CDH23: variants seen among roughly 807,000 people sequenced by gnomAD.
CDH23 encodes the protein cadherin-23.
Under a neutral mutation model 317.1 loss-of-function variants are expected in CDH23, and 189 were observed. The observed-to-expected ratio is 0.60, with a 90% confidence interval of 0.53 to 0.67. CDH23 has a LOEUF of 0.67. Ranked by LOEUF, CDH23 falls within the 30% of genes least tolerant of loss-of-function variation. CDH23 has a pLI of 0.00. For synonymous variants in CDH23, 1,839 were observed against 1,876.8 expected (o/e 0.98, Z 0.52); for missense variants, 4,401 against 4,592.4 (o/e 0.96, Z 1.20).
chr10:71,790,742 G>A, intron 46 of CDH23: 1 of 461,088 alleles, frequency 2.2e-6, no homozygotes, highest in Non-Finnish European at 4.0e-6. Flanking sequence ...AGTAGCCAGA[G>A]CGACTTTCCT....
chr10:71,759,056 T>G lies in CDH23; in HGVS notation c.4845+17135T>G, dbSNP rs1237629717. ...GGCAAATTTTGGGTTGTTTTTTTTT[T>G]GAGATGGAGTCTTGCTCTATCAGCA... On this transcript the variant is annotated intron_variant, in intron 38 of 69. Transcript: ENST00000224721. Among the ~76,000 whole-genome samples the G allele has an allele frequency of 1.9e-4, 28 of 151,206 alleles. No homozygotes were observed. In the South Asian group the frequency reaches 2.1e-3, roughly 11 times the overall value.
At chr10:71,506,059 G>T (rs1418071614) in intron 3 of CDH23, among the ~76,000 whole-genome samples, 2 of 152,228 alleles carry the variant, frequency 1.3e-5, no homozygotes, top group East Asian at 1.9e-4. Context: ...CTGTTAAAAA[G>T]GAGTGAAGTA....
intron 28 of CDH23, among the ~76,000 whole-genome samples, chr10:71,718,571 T>C (rs1241802871): frequency 6.6e-6 from 1 of 152,166 alleles, no homozygotes; most frequent in Non-Finnish European, 1.5e-5. Context: ...CACCGCTCAT[T>C]CCCGTGGGGA....
In CDH23 at chr10:71,741,892, G is replaced by A. The variant is rs1301101082; in HGVS notation, c.4816G>A (p.Val1606Met). 26 of 1,607,044 alleles carry A rather than the reference G, an allele frequency of 1.6e-5. No individual in the cohort carries two copies. The highest frequency in any genetic ancestry group is 2.1e-5 in the Non-Finnish European group (25 of 1,177,080). Residue 1606 changes from valine (V) to methionine (M), a missense_variant, in exon 38 of 70, where the codon GTG becomes ATG. Coordinates refer to ENST00000224721, the MANE Select transcript of CDH23 (RefSeq NM_022124.6). ...GAGCTTCTACCACCTGGTGGCCACT[G>A]TGGAGGACGAGGGCACCCCAACCCT... Reference protein sequence around the residue: ...RQSFYHLVATVEDEGTPTLSA... With the variant: ...RQSFYHLVATMEDEGTPTLSA...
Position 71,562,141 on chromosome 10 carries a change from G to A in CDH23, c.430-4601G>A, listed in dbSNP as rs1166243946. Among the ~76,000 whole-genome samples the A allele has an allele frequency of 4.9e-5, 7 of 141,444 alleles. No homozygotes were observed. The East Asian group carries it at 6.4e-4, about 13-fold the overall frequency. The allele number at this position is 141,444 out of a possible 152,430, so 92.8% of individuals were successfully genotyped here. A position where few individuals can be genotyped will look rare whatever the true frequency, so the allele number is the denominator to read the frequency against. On this transcript the variant is annotated intron_variant, in intron 6 of 69. Transcript: ENST00000224721. ...AGACACTCCAAGCCCCACCCCAGACGCCCCGAACCCCACCCCAGACACCAG... is the reference window on the plus strand; with the variant it reads ...AGACACTCCAAGCCCCACCCCAGACACCCCGAACCCCACCCCAGACACCAG...
chr10:71,441,142 G>A (rs980156501), intron 2 of CDH23, among the ~76,000 whole-genome samples: 5 of 152,174 alleles, frequency 3.3e-5, no homozygotes, highest in Admixed American at 1.3e-4. Flanking sequence ...TCATTTTACA[G>A]AGGAGACACC....
chr10:71,782,201 G>A (rs2132934456), intron 41 of CDH23, among the ~76,000 whole-genome samples: 1 of 152,288 alleles, frequency 6.6e-6, no homozygotes, highest in East Asian at 1.9e-4. Flanking sequence ...ACATGCACTT[G>A]AGCCTCTCCC....
At chr10:71,807,430 C>A (rs998211119) in intron 58 of CDH23, 24 bp downstream of exon 58, 6 of 1,613,422 alleles carry the variant, frequency 3.7e-6, no homozygotes, top group Admixed American at 1.7e-5. Context: ...GAGCTAGTGC[C>A]CTGATTACCC....
intron 1 of CDH23, among the ~76,000 whole-genome samples, chr10:71,427,476 C>T (rs1014434282): frequency 3.9e-5 from 6 of 152,118 alleles, no homozygotes; most frequent in African/African-American, 1.4e-4. Context: ...AGGCGTCAGT[C>T]TCCATTCCTT....
intron 6 of CDH23, among the ~76,000 whole-genome samples, chr10:71,543,891 G>A (rs147215320): frequency 2.7e-4 from 41 of 152,278 alleles, no homozygotes; most frequent in African/African-American, 9.1e-4. Flanking sequence ...AAGTGCAGCA[G>A]ACGGATCCTT....
rs756365743 is a variant in CDH23 at position 71,687,732 on chromosome 10, G to T, written c.2059+13G>T. The T allele has an allele frequency of 2.5e-6, 4 of 1,612,826 alleles. No individual in the cohort carries two copies. The highest frequency in any genetic ancestry group is 1.3e-5 in the African/African-American group (1 of 74,910). On this transcript the variant is annotated intron_variant, in intron 19 of 69. Transcript: ENST00000224721. ...AACATCATGGCAGGTACAGGCTCAG[G>T]TCGGGGGGTGGGGGGCACATGGAGG...
chr10:71,762,051 T>A (rs1265976434), intron 38 of CDH23: 2 of 1,567,984 alleles, frequency 1.3e-6, no homozygotes, highest in Non-Finnish European at 1.7e-6. Context: ...GAGAGCCCTG[T>A]CACCTGACTG....
chr10:71,530,540 C>T (rs924403582), intron 6 of CDH23, among the ~76,000 whole-genome samples: 5 of 152,204 alleles, frequency 3.3e-5, no homozygotes, highest in South Asian at 2.1e-4. Flanking sequence ...GGCATGGCAT[C>T]GGGGGGCAGG....
intron 6 of CDH23, among the ~76,000 whole-genome samples, chr10:71,534,444 C>T (rs1403480311): frequency 6.6e-6 from 1 of 152,158 alleles, no homozygotes; most frequent in African/African-American, 2.4e-5. Flanking sequence ...ATCCTTGCTG[C>T]TCCCCTTACT....
chr10:71,799,573 C>T lies in CDH23; in HGVS notation c.7306C>T (p.Leu2436Phe), dbSNP rs753339830. The T allele has an allele frequency of 1.2e-6, 2 of 1,614,052 alleles. No homozygotes were observed. Among genetic ancestry groups the T allele is most frequent in the South Asian group, 1.1e-5 (1 of 91,088 alleles). ...ATDADSGNFA[L>F]IEYSLGDGES... Reference sequence around the variant, plus strand: ...TGATGCTGACTCAGGCAACTTTGCACTCATTGAGTACAGCCTTGGAGATGG... The same window carrying T: ...TGATGCTGACTCAGGCAACTTTGCATTCATTGAGTACAGCCTTGGAGATGG... The change falls in exon 52 of 70, where the codon CTC becomes TTC. Residue 2436 changes from leucine (L) to phenylalanine (F), a missense_variant. Coordinates refer to ENST00000224721, the MANE Select transcript of CDH23 (RefSeq NM_022124.6).
chr10:71,396,933 AGCG>A lies in CDH23; in HGVS notation c.-379_-377del, dbSNP rs1204364299. 3.3e-5 allele frequency: 5 copies of A among 152,378 alleles called. No homozygotes were observed. Among genetic ancestry groups the A allele is most frequent in the Non-Finnish European group, 4.4e-5 (3 of 68,720 alleles). 9.4% of individuals were successfully genotyped at this position (152,378 alleles called of 1,614,324 possible). A position where few individuals can be genotyped will look rare whatever the true frequency, so the allele number is the denominator to read the frequency against. On this transcript the variant is annotated 5_prime_UTR_variant, in exon 1 of 70. Transcript: ENST00000224721. The surrounding 1 kb of genome is among the most constrained non-coding windows in gnomAD (Gnocchi z 4.2). Reference sequence around the variant, plus strand: ...CAAGGGAAAGTTGATCGCGGACTTGAGCGGCGGCGGCGGCTCGGGAGAGAGGGA... The same window carrying A: ...CAAGGGAAAGTTGATCGCGGACTTGAGCGGCGGCGGCTCGGGAGAGAGGGA...
intron 6 of CDH23, among the ~76,000 whole-genome samples, chr10:71,550,565 A>AAG (rs1564647307): frequency 8.9e-6 from 1 of 111,764 alleles, no homozygotes; most frequent in Non-Finnish European, 1.9e-5. Flanking sequence ...GTCTCAAAAA[A>AAG]AAAAAAAAAA....
Position 71,584,542 on chromosome 10 carries a change from C to CTGTGTGTGTGTGTGTGTGTGTGTG in CDH23, c.832+6560_832+6583dup, listed in dbSNP as rs138103081. Among the ~76,000 whole-genome samples, 132 of 145,658 alleles carry CTGTGTGTGTGTGTGTGTGTGTGTG rather than the reference C, an allele frequency of 9.1e-4. 1 individual carries two copies. The highest frequency in any genetic ancestry group is 3.3e-3 in the Middle Eastern group (1 of 302). On this transcript the variant is annotated intron_variant, in intron 9 of 69. Coordinates refer to ENST00000224721, the MANE Select transcript of CDH23 (RefSeq NM_022124.6). Reference sequence around the variant, plus strand: ...TACACTGATTGCTTTGAAGGGAAGTCTGTGTGTGTGTGTGTGTGTGTGTGT... The same window carrying CTGTGTGTGTGTGTGTGTGTGTGTG: ...TACACTGATTGCTTTGAAGGGAAGTCTGTGTGTGTGTGTGTGTGTGTGTGTGTGTGTGTGTGTGTGTGTGTGTGT...
rs1217198152 is a variant in CDH23, at chr10:71,677,704, A to G, written c.1752+11A>G. ...CTGGTGCGGCTCCGGGTAAGGTGCC[A>G]GGGAGCCCTGCACTCCTGCCATTTA... On this transcript the variant is annotated intron_variant, in intron 16 of 69. Coordinates refer to ENST00000224721, the MANE Select transcript of CDH23 (RefSeq NM_022124.6). 2 of 1,543,522 alleles carry G rather than the reference A, an allele frequency of 1.3e-6. No homozygotes were observed. The highest frequency in any genetic ancestry group is 2.7e-5 in the African/African-American group (2 of 72,932).
Sources: gnomAD v4.1 joint callset for allele counts (sites outside exome capture counted in the v4.1 genomes callset) on GRCh38, gnomAD v4.1.1 for gene constraint, Gnocchi (gnomAD v3.1) non-coding constraint, MANE v1.5 for transcripts, NCBI Gene and HGNC (gene_info 2026-07-23, HGNC 2026-07-21) for gene names.